The following SYNJ2 variants were observed in gnomAD, a reference collection of about 807,000 sequenced individuals.
SYNJ2 encodes the protein synaptojanin 2.
A neutral mutation model predicts 141.3 loss-of-function variants in SYNJ2; 116 were observed. The observed-to-expected ratio is 0.82, with a 90% CI of 0.71 to 0.96. The LOEUF (loss-of-function observed/expected upper bound fraction) is 0.96. Among genes scored for constraint, SYNJ2 ranks in the 40% least tolerant of loss-of-function variants. The pLI, the probability that SYNJ2 is intolerant of heterozygous loss-of-function variation, is 0.00. For missense variants in SYNJ2, 1,873 were observed against 1,934.8 expected, an observed-to-expected ratio of 0.97 and a Z score of 0.60; for synonymous variants, 745 against 777.7, an observed-to-expected ratio of 0.96 and a Z score of 0.70.
intron 1 of SYNJ2, among the ~76,000 whole-genome samples, chr6:158,008,670 G>A (rs1022545533): frequency 2.0e-5 from 3 of 152,160 alleles, no homozygotes; most frequent in African/African-American, 2.4e-5. Flanking sequence ...GGAAAGTTCC[G>A]CAACTAAAAA....
chr6:158,032,855 G>C (rs1394037648), intron 3 of SYNJ2, among the ~76,000 whole-genome samples: 1 of 152,230 alleles, frequency 6.6e-6, no homozygotes, highest in Non-Finnish European at 1.5e-5. Flanking sequence ...ACTAGGCATG[G>C]AGAGGGAATA....
rs984300292 is a variant in SYNJ2, at chr6:158,067,875, A to G, written c.1718-772A>G. On this transcript the variant is annotated intron_variant, in intron 12 of 26. Coordinates refer to ENST00000355585, the MANE Select transcript of SYNJ2 (RefSeq NM_003898.4). ...TCAGGATGCCCTCCGGAGCAGGCCC[A>G]TCAACGCGGAGAGTGCTTAGCACAG... The G allele has an allele frequency of 5.5e-5, 54 of 985,154 alleles. No individual in the cohort carries two copies. The African/African-American group carries it at 8.9e-4, about 16-fold the overall frequency. 61.0% of individuals were successfully genotyped at this position (985,154 alleles called of 1,614,324 possible). A position where few individuals can be genotyped will look rare whatever the true frequency, so the allele number is the denominator to read the frequency against.
rs1364481512 is a variant in SYNJ2 at position 158,043,008 on chromosome 6, T to C, written c.712-308T>C. Among the ~76,000 whole-genome samples the C allele has an allele frequency of 6.6e-6, 1 of 152,220 alleles. No individual in the cohort carries two copies. The highest frequency in any genetic ancestry group is 1.5e-5 in the Non-Finnish European group (1 of 68,034). On this transcript the variant is annotated intron_variant, in intron 4 of 26. Coordinates refer to ENST00000355585, the MANE Select transcript of SYNJ2 (RefSeq NM_003898.4). The surrounding 1 kb of genome is among the most constrained non-coding windows in gnomAD (Gnocchi z 4.0). Reference sequence around the variant, plus strand: ...ATTCATACAGGGGGTGGCGGAAGGCTGTTCCTGGGATTTTCAGGGTGACGA... The same window carrying C: ...ATTCATACAGGGGGTGGCGGAAGGCCGTTCCTGGGATTTTCAGGGTGACGA...
intron 1 of SYNJ2, among the ~76,000 whole-genome samples, chr6:157,991,366 C>T (rs1777418063): frequency 6.6e-6 from 1 of 152,166 alleles, no homozygotes; most frequent in Admixed American, 6.5e-5. Context: ...GCCTCGTTGG[C>T]TCTGGGGTGG....
chr6:157,982,196 G>A lies in SYNJ2; in HGVS notation c.127+108G>A, dbSNP rs1179066984. 8.1e-7 allele frequency: 1 copy of A among 1,229,340 alleles called. No homozygotes were observed. Among genetic ancestry groups the A allele is most frequent in the African/African-American group, 1.6e-5 (1 of 63,764 alleles). 76.2% of individuals were successfully genotyped at this position (1,229,340 alleles called of 1,614,324 possible). Reference sequence around the variant, plus strand: ...TCCCGAGGGGATCGGGCGGCGCTGGGACTGCCGGGGCGTAGGGGTCGCGCG... The same window carrying A: ...TCCCGAGGGGATCGGGCGGCGCTGGAACTGCCGGGGCGTAGGGGTCGCGCG... On this transcript the variant is annotated intron_variant, in intron 1 of 26. Transcript: ENST00000355585. This position sits in a 1 kb window ranked among gnomAD's most constrained non-coding sequence, Gnocchi z 4.0.
chr6:158,031,753 A>G (rs1779377053), intron 3 of SYNJ2, among the ~76,000 whole-genome samples: 1 of 152,222 alleles, frequency 6.6e-6, no homozygotes, highest in East Asian at 1.9e-4. Flanking sequence ...ATTGCCTCCC[A>G]GTACAATCAG....
chr6:158,093,859 C>T lies in SYNJ2; in HGVS notation c.3744+755C>T, dbSNP rs377321800. ...TGCGGCCTCAGCCTACGAGAGGTTC[C>T]ACAGCTTTTCTTGCCACTTTTCTTG... On this transcript the variant is annotated intron_variant, in intron 26 of 26. Coordinates refer to ENST00000355585, the MANE Select transcript of SYNJ2 (RefSeq NM_003898.4). 1.8e-4 allele frequency: 140 copies of T among 763,828 alleles called. No individual in the cohort carries two copies. The African/African-American group carries it at 2.0e-3, about 11-fold the overall frequency. The allele number at this position is 763,828 out of a possible 1,614,324, so 47.3% of individuals were successfully genotyped here. A position where few individuals can be genotyped will look rare whatever the true frequency, so the allele number is the denominator to read the frequency against.
intron 25 of SYNJ2, 50 bp from the exon 26 acceptor site, chr6:158,092,876 A>C: frequency 6.7e-7 from 1 of 1,502,284 alleles, no homozygotes; most frequent in Non-Finnish European, 8.9e-7. Context: ...GAAATCATGC[A>C]GTGAATTGCC....
At chr6:158,089,776 C>T (rs551332654) in intron 24 of SYNJ2, 63 bp from the exon 25 acceptor site, 14 of 1,269,726 alleles carry the variant, frequency 1.1e-5, no homozygotes, top group East Asian at 2.4e-5. Context: ...GTAGCAGATA[C>T]GTCCCACGAG....
Position 158,071,592 on chromosome 6 carries a change from T to C in SYNJ2, c.1941-10T>C. Reference sequence around the variant, plus strand: ...GGAGCCGACGGCATGCGCGTATCCTTCTGTTCCAGGGACGTAGCCATCGAC... The same window carrying C: ...GGAGCCGACGGCATGCGCGTATCCTCCTGTTCCAGGGACGTAGCCATCGAC... On this transcript the variant is annotated splice_polypyrimidine_tract_variant and intron_variant, in intron 14 of 26. Transcript: ENST00000355585. This position sits in a 1 kb window ranked among gnomAD's most constrained non-coding sequence, Gnocchi z 4.3. 6.2e-7 allele frequency: 1 copy of C among 1,612,914 alleles called. No homozygotes were observed. The highest frequency in any genetic ancestry group is 8.5e-7 in the Non-Finnish European group (1 of 1,179,488).
Position 158,081,478 on chromosome 6 carries a change from G to A in SYNJ2, c.2833G>A (p.Ala945Thr), listed in dbSNP as rs777664526. 1 of 1,614,012 alleles carries A rather than the reference G, an allele frequency of 6.2e-7. No individual in the cohort carries two copies. The highest frequency in any genetic ancestry group is 2.2e-5 in the East Asian group (1 of 44,876). ...MLVTFADSHS[A>T]LSVLDVDGMK... is the part of the protein sequence containing the mutation. ...GGTAACTTTTGCAGACAGTCACTCG[G>A]CTCTCAGTGTCCTGGACGTGGACGG... The change falls in exon 20 of 27, where the codon GCT (alanine) becomes ACT (threonine). Residue 945 changes from alanine to threonine, a missense_variant. Ala to Thr is a moderately conservative substitution (Grantham distance 58). Coordinates refer to ENST00000355585, the MANE Select transcript of SYNJ2 (RefSeq NM_003898.4).
intron 18 of SYNJ2, chr6:158,078,810 A>ATTTTT (rs1562392298): frequency 3.7e-5 from 3 of 81,166 alleles, no homozygotes; most frequent in Admixed American, 1.6e-4. Context: ...TTTTTTTTTG[A>ATTTTT]GAGAGAGTCT....
At chr6:158,053,618 C>G (rs1021872703) in intron 5 of SYNJ2, among the ~76,000 whole-genome samples, 1 of 151,780 alleles carries the variant, frequency 6.6e-6, no homozygotes, top group African/African-American at 2.4e-5. Context: ...GTCCACCTAT[C>G]TACCCACCCA....
At chr6:158,069,476 G>A in intron 13 of SYNJ2, 57 bp from the exon 14 acceptor site, 1 of 1,574,162 alleles carries the variant, frequency 6.4e-7, no homozygotes, top group Admixed American at 1.7e-5. Flanking sequence ...TTGGTAGGTG[G>A]GAGATAGATG....
intron 20 of SYNJ2, among the ~76,000 whole-genome samples, chr6:158,081,947 C>G (rs939828609): frequency 2.0e-5 from 3 of 152,168 alleles, no homozygotes; most frequent in Non-Finnish European, 4.4e-5. Context: ...AGCTTTCATG[C>G]CTGGCCACCA....
At position 157,982,167 on chromosome 6, in the gene SYNJ2, C is replaced by G. The variant is rs1224227991; in HGVS notation, c.127+79C>G. ...CCAGCCTCGGGAAGACGGGTACCCC[C>G]CCTTCCCGAGGGGATCGGGCGGCGC... is the stretch of plus-strand genomic sequence containing the variant. On this transcript the variant is annotated intron_variant, in intron 1 of 26. Coordinates refer to ENST00000355585, the MANE Select transcript of SYNJ2 (RefSeq NM_003898.4). The surrounding 1 kb of genome is among the most constrained non-coding windows in gnomAD (Gnocchi z 4.0). The G allele has an allele frequency of 4.0e-5, 50 of 1,251,926 alleles. No homozygotes were observed. The East Asian group carries it at 6.7e-4, about 17-fold the overall frequency. The allele number at this position is 1,251,926 out of a possible 1,614,324, so 77.6% of individuals were successfully genotyped here.
chr6:158,074,462 T>C, intron 15 of SYNJ2, 118 bp from the exon 16 acceptor site: 4 of 1,179,994 alleles, frequency 3.4e-6, no homozygotes, highest in Non-Finnish European at 4.7e-6. Flanking sequence ...AACTTTCTTT[T>C]TTCTAAGTAG....
chr6:158,073,716 T>C (rs1335387254), intron 15 of SYNJ2, among the ~76,000 whole-genome samples: 3 of 152,122 alleles, frequency 2.0e-5, no homozygotes, highest in Admixed American at 6.5e-5. Context: ...ATCTAGACGC[T>C]CATTTTATTT....
rs1777057706 is a variant in SYNJ2 at position 157,982,648 on chromosome 6, T to C, written c.127+560T>C. ...AATATACCATGACCTTTATGCTGTCTTAGATCCTGCCAAGCCAGCGAATTT... is the reference window on the plus strand; with the variant it reads ...AATATACCATGACCTTTATGCTGTCCTAGATCCTGCCAAGCCAGCGAATTT... On this transcript the variant is annotated intron_variant, in intron 1 of 26. Transcript: ENST00000355585. This position sits in a 1 kb window ranked among gnomAD's most constrained non-coding sequence, Gnocchi z 4.0. 6.6e-6 allele frequency among the ~76,000 whole-genome samples: 1 copy of C among 152,220 alleles called. No individual in the cohort carries two copies. The highest frequency in any genetic ancestry group is 6.5e-5 in the Admixed American group (1 of 15,286).
Sources: allele counts gnomAD v4.1 joint callset (sites outside exome capture counted in the v4.1 genomes callset), GRCh38; gene constraint gnomAD v4.1.1; non-coding constraint Gnocchi (gnomAD v3.1); transcripts MANE v1.5; gene names NCBI Gene and HGNC (gene_info 2026-07-23, HGNC 2026-07-21).